The following APBA2 variants were observed in gnomAD, a reference collection of about 807,000 sequenced individuals.
APBA2 encodes the protein amyloid-beta A4 precursor protein-binding family A member 2.
APBA2 carries 30 observed loss-of-function variants against 75.0 expected under a neutral mutation model. The observed-to-expected ratio is 0.40, with a 90% CI of 0.30 to 0.54. The LOEUF (loss-of-function observed/expected upper bound fraction) is 0.54. Among genes scored for constraint, APBA2 ranks in the 20% least tolerant of loss-of-function variants. The pLI is 0.49. For missense variants in APBA2, 801 were observed against 1,016.1 expected (o/e 0.79, Z 2.88); for synonymous variants, 444 against 409.6 (o/e 1.08, Z -1.01).
intron 1 of APBA2, among the ~76,000 whole-genome samples, chr15:28,887,690 C>T (rs1015643462): frequency 2.6e-5 from 4 of 152,138 alleles, no homozygotes; most frequent in South Asian, 2.1e-4. Context: ...CAGGGTGACA[C>T]GGACCTGGAA....
chr15:29,003,159 A>G (rs2038937356), intron 3 of APBA2, among the ~76,000 whole-genome samples: 1 of 151,976 alleles, frequency 6.6e-6, no homozygotes, highest in African/African-American at 2.4e-5. Context: ...AGGAAGGGAT[A>G]TGTGCTTTCC....
At chr15:29,041,014 G>A (rs895780240) in intron 3 of APBA2, among the ~76,000 whole-genome samples, 2 of 150,342 alleles carry the variant, frequency 1.3e-5, no homozygotes, top group African/African-American at 2.5e-5. Flanking sequence ...ATAGAAATTC[G>A]CAGCAGGGCA....
At chr15:29,081,759 C>T (rs899618901) in intron 6 of APBA2, among the ~76,000 whole-genome samples, 3 of 152,230 alleles carry the variant, frequency 2.0e-5, no homozygotes, top group Non-Finnish European at 4.4e-5. Context: ...AGCACAGGAT[C>T]GGTTGAGTGG....
At chr15:28,947,126 T>G (rs763608585) in intron 2 of APBA2, among the ~76,000 whole-genome samples, 16 of 152,364 alleles carry the variant, frequency 1.1e-4, no homozygotes, top group South Asian at 2.1e-4. Flanking sequence ...CGCCAGATCT[T>G]CTTTTCCTGC....
At chr15:28,897,192 C>A (rs900783458) in intron 1 of APBA2, among the ~76,000 whole-genome samples, 1 of 151,428 alleles carries the variant, frequency 6.6e-6, no homozygotes, top group Non-Finnish European at 1.5e-5. Context: ...GACACACACA[C>A]ACACACACAC....
At position 29,054,732 on chromosome 15, in the gene APBA2, C is replaced by T. The variant is rs199985120; in HGVS notation, c.848C>T (p.Ser283Leu). Residue 283 changes from serine to leucine, a missense_variant, in exon 4 of 15, where the codon TCG (serine) becomes TTG (leucine). This residue lies in a region of APBA2 where 434 missense variants were observed against 471.6 expected (regional missense o/e 0.92). Transcript: ENST00000683413. The surrounding 1 kb of genome is among the most constrained non-coding windows in gnomAD (Gnocchi z 6.1). ...AGCAGGCACGAGGCGAGGCCCAAGT[C>T]GCTGAACCTCCTTCCCGAGGCCAAG... The part of the protein sequence containing the change: ...SPSRHEARPK[S>L]LNLLPEAKHP... The T allele has an allele frequency of 2.0e-5, 33 of 1,612,450 alleles. No individual in the cohort carries two copies. In the East Asian group the frequency reaches 3.1e-4, roughly 15 times the overall value.
rs2045276231 is a variant in APBA2 at position 29,117,601 on chromosome 15, C to T, written c.*468C>T. ...AATGGTCCCAAACAGCTGCCTCTGC[C>T]ACTGACTGCAGGGACACGGGCAGCC... On this transcript the variant is annotated 3_prime_UTR_variant, in exon 15 of 15. Transcript: ENST00000683413. 2.3e-5 allele frequency: 4 copies of T among 175,130 alleles called. No individual in the cohort carries two copies. The highest frequency in any genetic ancestry group is 1.1e-4 in the Admixed American group (2 of 17,906). 10.8% of individuals were successfully genotyped at this position (175,130 alleles called of 1,614,324 possible).
rs932367334 is a variant in APBA2 at position 28,991,301 on chromosome 15, C to T, written c.-94-4452C>T. On this transcript the variant is annotated intron_variant, in intron 2 of 14. Coordinates refer to ENST00000683413, the MANE Select transcript of APBA2 (RefSeq NM_001353788.2). The surrounding 1 kb of genome is among the most constrained non-coding windows in gnomAD (Gnocchi z 4.7). ...CCATCCCCCATGTCCCCAGTCCCAT[C>T]CTGGGTGTTCTGGGATTCCAGCCAC... Among the ~76,000 whole-genome samples the T allele has an allele frequency of 1.3e-5, 2 of 152,228 alleles. No homozygotes were observed. Among genetic ancestry groups the T allele is most frequent in the Admixed American group, 6.5e-5 (1 of 15,290 alleles).
chr15:28,948,633 T>C (rs17748437), intron 2 of APBA2, among the ~76,000 whole-genome samples: 42,982 of 151,920 alleles, frequency 0.28, 9,662 homozygotes, highest in African/African-American at 0.6. Flanking sequence ...CGCTTTCTTC[T>C]GTCGTGTTCT....
intron 2 of APBA2, among the ~76,000 whole-genome samples, chr15:28,958,475 A>G (rs187071023): frequency 6.6e-6 from 1 of 152,248 alleles, no homozygotes; most frequent in African/African-American, 2.4e-5. Flanking sequence ...ATAATTCTGC[A>G]TGCTTCTTAG....
At chr15:28,914,860 G>A (rs1458376441) in intron 1 of APBA2, among the ~76,000 whole-genome samples, 1 of 151,996 alleles carries the variant, frequency 6.6e-6, no homozygotes, top group East Asian at 1.9e-4. Context: ...GGTCGTCATC[G>A]CTGTGTGTCC....
chr15:29,052,256 C>G (rs991793974), intron 3 of APBA2, among the ~76,000 whole-genome samples: 1 of 151,852 alleles, frequency 6.6e-6, no homozygotes, highest in Non-Finnish European at 1.5e-5. Context: ...GAGATCGTGA[C>G]CATCCTAGCT....
In APBA2 at chr15:29,003,302, A is replaced by G. The variant is rs548456765; in HGVS notation, c.-41+7496A>G. 6.6e-5 allele frequency among the ~76,000 whole-genome samples: 10 copies of G among 152,272 alleles called. No homozygotes were observed. The South Asian group carries it at 1.5e-3, about 22-fold the overall frequency. On this transcript the variant is annotated intron_variant, in intron 3 of 14. Coordinates refer to ENST00000683413, the MANE Select transcript of APBA2 (RefSeq NM_001353788.2). ...GTTGTCTTCAGAAACTCGCTTCACA[A>G]TCTACTTAAGATGAGTCAAATCTAC... is the stretch of plus-strand genomic sequence containing the variant.
chr15:28,938,564 AG>A (rs1412834696), intron 2 of APBA2, among the ~76,000 whole-genome samples: 6 of 152,210 alleles, frequency 3.9e-5, no homozygotes, highest in African/African-American at 7.2e-5. Flanking sequence ...GCTGGAGTGC[AG>A]GGGTGCAATC....
At chr15:29,037,721 T>G (rs2040819056) in intron 3 of APBA2, among the ~76,000 whole-genome samples, 1 of 152,260 alleles carries the variant, frequency 6.6e-6, no homozygotes, top group Admixed American at 6.5e-5. Flanking sequence ...AAGAAGTTTA[T>G]TGGCTCAAAG....
intron 1 of APBA2, among the ~76,000 whole-genome samples, chr15:28,891,979 C>T (rs1409019571): frequency 1.3e-5 from 2 of 152,274 alleles, no homozygotes; most frequent in South Asian, 2.1e-4. Flanking sequence ...ATAAAGTCTA[C>T]GCTAGTGTAC....
intron 6 of APBA2, among the ~76,000 whole-genome samples, chr15:29,082,252 T>C (rs2043115123): frequency 6.6e-6 from 1 of 152,214 alleles, no homozygotes; most frequent in African/African-American, 2.4e-5. Flanking sequence ...AACTGACAAA[T>C]AAAAGTTTTG....
chr15:28,992,921 A>G (rs562321962), intron 2 of APBA2, among the ~76,000 whole-genome samples: 1 of 152,328 alleles, frequency 6.6e-6, no homozygotes, highest in South Asian at 2.1e-4. Context: ...GAAGGATTTA[A>G]TTGTTCCAAA....
Position 29,046,244 on chromosome 15 carries a change from C to CACAAAG in APBA2, c.-40-7600_-40-7599insCAAAGA, listed in dbSNP as rs2041323484. On this transcript the variant is annotated intron_variant, in intron 3 of 14. Transcript: ENST00000683413. The surrounding 1 kb of genome is among the most constrained non-coding windows in gnomAD (Gnocchi z 5.0). ...TGAACTCAATGAGATACCAGAAATC[C>CACAAAG]AGTAGGAGAACACTTTCTTTGAAAG... Among the ~76,000 whole-genome samples, 1 of 152,218 alleles carries CACAAAG rather than the reference C, an allele frequency of 6.6e-6. No homozygotes were observed. The highest frequency in any genetic ancestry group is 2.4e-5 in the African/African-American group (1 of 41,468).
Sources: gnomAD v4.1 joint callset for allele counts (sites outside exome capture counted in the v4.1 genomes callset) on GRCh38, gnomAD v4.1.1 for gene constraint, gnomAD v4.1.1 regional missense constraint, Gnocchi (gnomAD v3.1) non-coding constraint, MANE v1.5 for transcripts, NCBI Gene and HGNC (gene_info 2026-07-23, HGNC 2026-07-21) for gene names.